The following TAFA1 variants were observed in gnomAD, a reference collection of about 807,000 sequenced individuals.
TAFA1 encodes the protein chemokine-like protein TAFA-1.
TAFA1 carries 4 observed loss-of-function variants against 18.5 expected under a neutral mutation model. That is an observed-to-expected ratio of 0.22 (90% CI 0.11 to 0.49). The LOEUF is 0.49. TAFA1 is among the 20% of genes least tolerant of loss of function. TAFA1 has a pLI of 0.98. For synonymous variants in TAFA1, 56 were observed against 55.2 expected (o/e 1.01, Z -0.06); for missense variants, 147 against 169.0 (o/e 0.87, Z 0.72).
At chr3:68,221,201 G>A (rs138051904) in intron 2 of TAFA1, among the ~76,000 whole-genome samples, 2 of 152,284 alleles carry the variant, frequency 1.3e-5, no homozygotes, top group East Asian at 3.9e-4. Context: ...GTGGACTTCA[G>A]TATTACTGTT....
chr3:68,309,750 G>C (rs1371593209), intron 2 of TAFA1, among the ~76,000 whole-genome samples: 1 of 152,158 alleles, frequency 6.6e-6, no homozygotes. Context: ...TGAACAGATG[G>C]GAAGGATGGC....
chr3:68,134,461 T>C (rs942745318), intron 2 of TAFA1, among the ~76,000 whole-genome samples: 1 of 152,194 alleles, frequency 6.6e-6, no homozygotes, highest in African/African-American at 2.4e-5. Flanking sequence ...TGTTAGCCAC[T>C]GACATTTAGA....
chr3:68,094,653 A>G (rs557046617), intron 2 of TAFA1, among the ~76,000 whole-genome samples: 1 of 152,244 alleles, frequency 6.6e-6, no homozygotes, highest in South Asian at 2.1e-4. Flanking sequence ...ATAGAAGGAG[A>G]GAGATCAATT....
rs376568263 is a variant in TAFA1, at chr3:68,035,647, A to G, written c.118+28903A>G. Among the ~76,000 whole-genome samples, 7 of 152,308 alleles carry G rather than the reference A, an allele frequency of 4.6e-5. No homozygotes were observed. The South Asian group carries it at 6.2e-4, about 14-fold the overall frequency. On this transcript the variant is annotated intron_variant, in intron 2 of 4. Coordinates refer to ENST00000478136, the MANE Select transcript of TAFA1 (RefSeq NM_213609.4). The stretch of plus-strand genomic sequence containing the variant: ...AAGTTTCTTATCAAATTAAACATAC[A>G]TTTACTTTACGATGCAGAAATCCCA...
At chr3:68,100,743 TCAGATA>T (rs1222441422) in intron 2 of TAFA1, among the ~76,000 whole-genome samples, 1 of 152,196 alleles carries the variant, frequency 6.6e-6, no homozygotes, top group Non-Finnish European at 1.5e-5. Flanking sequence ...ACCTTGTGTT[TCAGATA>T]CTCTGCTCTG....
At chr3:68,069,148 C>A (rs1177161752) in intron 2 of TAFA1, among the ~76,000 whole-genome samples, 5 of 152,090 alleles carry the variant, frequency 3.3e-5, no homozygotes, top group African/African-American at 1.2e-4. Flanking sequence ...ATAGATAAAT[C>A]TCTGAGATGG....
At chr3:68,370,488 A>ACG (rs1178591042) in intron 2 of TAFA1, among the ~76,000 whole-genome samples, 1 of 90,494 alleles carries the variant, frequency 1.1e-5, no homozygotes, top group Non-Finnish European at 2.2e-5. Context: ...ATATATATAT[A>ACG]TATATATATA....
At chr3:68,049,634 G>C (rs1408613142) in intron 2 of TAFA1, among the ~76,000 whole-genome samples, 1 of 151,674 alleles carries the variant, frequency 6.6e-6, no homozygotes, top group Non-Finnish European at 1.5e-5. Context: ...CCCAATTGAG[G>C]CTGGTAGTGG....
intron 2 of TAFA1, among the ~76,000 whole-genome samples, chr3:68,041,044 C>T (rs1705153403): frequency 6.6e-6 from 1 of 152,082 alleles, no homozygotes; most frequent in African/African-American, 2.4e-5. Context: ...CTCTCTTCTG[C>T]CAAACATCAA....
At chr3:68,257,837 A>G (rs2107184118) in intron 2 of TAFA1, among the ~76,000 whole-genome samples, 1 of 152,272 alleles carries the variant, frequency 6.6e-6, no homozygotes, top group African/African-American at 2.4e-5. Flanking sequence ...CAAGTGACCA[A>G]GTTTAACATA....
intron 2 of TAFA1, among the ~76,000 whole-genome samples, chr3:68,263,021 T>G (rs1237322869): frequency 1.3e-5 from 2 of 152,222 alleles, no homozygotes; most frequent in Non-Finnish European, 1.5e-5. Flanking sequence ...TCACCCCTGA[T>G]AGAACACAGC....
chr3:68,167,348 C>G (rs1221063770), intron 2 of TAFA1, among the ~76,000 whole-genome samples: 1 of 152,132 alleles, frequency 6.6e-6, no homozygotes, highest in Non-Finnish European at 1.5e-5. Context: ...GAGGCTGAGG[C>G]AGGCGGATCA....
rs1043352891 is a variant in TAFA1 at position 68,019,111 on chromosome 3, G to T, written c.118+12367G>T. On this transcript the variant is annotated intron_variant, in intron 2 of 4. Transcript: ENST00000478136. Reference sequence around the variant, plus strand: ...ATCAGCAATCTACTCTTGGTCAATTGAAATTAAATAACAAATTTCTATGTT... The same window carrying T: ...ATCAGCAATCTACTCTTGGTCAATTTAAATTAAATAACAAATTTCTATGTT... Among the ~76,000 whole-genome samples the T allele has an allele frequency of 3.3e-5, 5 of 152,294 alleles. No individual in the cohort carries two copies. In the East Asian group the frequency reaches 9.6e-4, roughly 29 times the overall value.
Position 68,106,667 on chromosome 3 carries a change from G to A in TAFA1, c.118+99923G>A, listed in dbSNP as rs533467311. Among the ~76,000 whole-genome samples, 4 of 152,184 alleles carry A rather than the reference G, an allele frequency of 2.6e-5. No individual in the cohort carries two copies. The South Asian group carries it at 8.3e-4, about 32-fold the overall frequency. Reference sequence around the variant, plus strand: ...AGTGAAAAGGCAAGTCGATGGACTGGGAGAAAATGCTTACAATGAAATATC... The same window carrying A: ...AGTGAAAAGGCAAGTCGATGGACTGAGAGAAAATGCTTACAATGAAATATC... On this transcript the variant is annotated intron_variant, in intron 2 of 4. Coordinates refer to ENST00000478136, the MANE Select transcript of TAFA1 (RefSeq NM_213609.4).
At chr3:67,996,875 A>G in the TAFA1 span, among the ~76,000 whole-genome samples, 2 of 152,184 alleles carry the variant, frequency 1.3e-5, no homozygotes, top group East Asian at 1.9e-4. Flanking sequence ...GCCTAATTAT[A>G]TGGACATAAA....
In TAFA1 at chr3:68,228,550, T is replaced by C. The variant is rs2066831710; in HGVS notation, c.119-188730T>C. ...GGCTGTGTACTTTTACTTCTTTCAT[T>C]TACTCCTGCTCGACTGCTTAGTTAT... is the stretch of plus-strand genomic sequence containing the variant. On this transcript the variant is annotated intron_variant, in intron 2 of 4. Transcript: ENST00000478136. Among the ~76,000 whole-genome samples, 3 of 152,332 alleles carry C rather than the reference T, an allele frequency of 2.0e-5. No individual in the cohort carries two copies. The South Asian group carries it at 6.2e-4, about 32-fold the overall frequency.
At chr3:68,449,533 TG>T (rs1286496205) in intron 3 of TAFA1, among the ~76,000 whole-genome samples, 1 of 152,160 alleles carries the variant, frequency 6.6e-6, no homozygotes, top group Non-Finnish European at 1.5e-5. Context: ...AATTTACATA[TG>T]TGTTGGCCCA....
chr3:68,172,442 G>A (rs184557903), intron 2 of TAFA1, among the ~76,000 whole-genome samples: 1 of 152,280 alleles, frequency 6.6e-6, no homozygotes, highest in African/African-American at 2.4e-5. Flanking sequence ...TGCATACATT[G>A]CTGGTGGGAT....
intron 2 of TAFA1, among the ~76,000 whole-genome samples, chr3:68,268,169 A>G (rs538797707): frequency 6.6e-6 from 1 of 152,118 alleles, no homozygotes; most frequent in Non-Finnish European, 1.5e-5. Context: ...AAGGTATTTG[A>G]CTGCCATTCT....
Sources: allele counts gnomAD v4.1 joint callset (sites outside exome capture counted in the v4.1 genomes callset), GRCh38; gene constraint gnomAD v4.1.1; transcripts MANE v1.5; gene names NCBI Gene and HGNC (gene_info 2026-07-23, HGNC 2026-07-21).